NMRK2: variants seen among roughly 807,000 people sequenced by gnomAD.
NMRK2 encodes the protein nicotinamide riboside kinase 2, also known as NRK 2.
In NMRK2, 34 loss-of-function variants were observed where a neutral mutation model predicts 24.7. The ratio of observed to expected loss-of-function variants is 1.37; its 90% confidence interval spans 1.05 to 1.83. The LOEUF is 1.83. NMRK2 is among the 40% of genes most tolerant of loss of function. The probability of loss-of-function intolerance (pLI) is 0.00; values close to 1 mark genes in which losing one functional copy is unlikely to be tolerated. For missense variants in NMRK2, 341 were observed against 315.0 expected, an observed-to-expected ratio of 1.08 and a Z score of -0.62; for synonymous variants, 145 against 125.6, an observed-to-expected ratio of 1.15 and a Z score of -1.03.
At chr19:3,941,709 C>A (rs1308505745) in intron 7 of NMRK2, among the ~76,000 whole-genome samples, 1 of 152,006 alleles carries the variant, frequency 6.6e-6, no homozygotes, top group Non-Finnish European at 1.5e-5. Flanking sequence ...GTGGCGCGAT[C>A]TTGGCTCACG....
intron 5 of NMRK2, 68 bp downstream of exon 5, chr19:3,938,827 T>TTTTTTTTTTTTTTTTTTTTG (rs2039269365): frequency 1.8e-6 from 1 of 541,104 alleles, no homozygotes; most frequent in African/African-American, 4.6e-5. Context: ...CTCTTGTTTT[T>TTTTTTTTTTTTTTTTTTTTG]TTTTTTTTTT....
At chr19:3,939,817 G>C in intron 5 of NMRK2, 83 bp from the exon 6 acceptor site, 3 of 1,310,914 alleles carry the variant, frequency 2.3e-6, no homozygotes, top group Non-Finnish European at 3.2e-6. Context: ...CCCTCTGAAA[G>C]CCAAGGCTGG....
Position 3,942,140 on chromosome 19 carries a change from T to A in NMRK2, c.560T>A (p.Ile187Asn), listed in dbSNP as rs1248963403. 1 of 1,613,350 alleles carries A rather than the reference T, an allele frequency of 6.2e-7. No homozygotes were observed. Among genetic ancestry groups the A allele is most frequent in the South Asian group, 1.1e-5 (1 of 91,088 alleles). The change falls in exon 8 of 8, where the codon ATT becomes AAT. Residue 187 changes from isoleucine to asparagine, a missense_variant. Transcript: ENST00000168977. The part of the protein sequence containing the change: ...EELFREVLED[I>N]QNSLLNRSQE... ...CTCTTCCGTGAAGTCCTGGAAGACATTCAGAACTCGCTGCTGAACCGCTCC... is the reference window on the plus strand; with the variant it reads ...CTCTTCCGTGAAGTCCTGGAAGACAATCAGAACTCGCTGCTGAACCGCTCC...
intron 7 of NMRK2, 104 bp from the exon 8 acceptor site, chr19:3,941,979 C>A: frequency 1.1e-6 from 1 of 906,674 alleles, no homozygotes; most frequent in Non-Finnish European, 1.7e-6. Context: ...CTCCAGCAGC[C>A]CGACTCTGCA....
Position 3,933,940 on chromosome 19 carries a change from A to G in NMRK2, c.26+243A>G, listed in dbSNP as rs114559324. Among the ~76,000 whole-genome samples, 1,248 of 134,452 alleles carry G rather than the reference A, an allele frequency of 9.3e-3. 8 individuals carry two copies. The highest frequency in any genetic ancestry group is 0.091 in the Middle Eastern group (25 of 276). The allele number at this position is 134,452 out of a possible 152,430, so 88.2% of individuals were successfully genotyped here. ...TGGAAATGATTCCCGCCACCTTCCA[A>G]TTATACTCAGCATAAAAAAAAAATA... is the stretch of plus-strand genomic sequence containing the variant. On this transcript the variant is annotated intron_variant, in intron 2 of 7. Transcript: ENST00000168977.
intron 5 of NMRK2, 88 bp from the exon 6 acceptor site, chr19:3,939,812 T>C: frequency 7.9e-7 from 1 of 1,264,536 alleles, no homozygotes; most frequent in Non-Finnish European, 1.1e-6. Context: ...CGCCACCCTC[T>C]GAAAGCCAAG....
rs2039299448 is a variant in NMRK2, at chr19:3,939,927, G to A, written c.351G>A (p.Arg117=). The change falls in exon 6 of 8, where the codon CGG becomes CGA. Residue 117 remains arginine (R), a synonymous_variant. Transcript: ENST00000168977. Reference sequence around the variant, plus strand: ...CCCTGGTGGACTTGTACAGCCGCCGGTACTTCCTGACCGTCCCGTATGAAG... The same window carrying A: ...CCCTGGTGGACTTGTACAGCCGCCGATACTTCCTGACCGTCCCGTATGAAG... ...YKPLVDLYSR[R]YFLTVPYEEC... The A allele has an allele frequency of 6.2e-7, 1 of 1,612,338 alleles. No individual in the cohort carries two copies. Among genetic ancestry groups the A allele is most frequent in the African/African-American group, 1.3e-5 (1 of 74,830 alleles).
intron 6 of NMRK2, 61 bp from the exon 7 acceptor site, chr19:3,941,010 G>A (rs1599165475): frequency 9.1e-7 from 1 of 1,099,446 alleles, no homozygotes; most frequent in Non-Finnish European, 1.4e-6. Context: ...CCCCCACCGG[G>A]GGTATATTCT....
In NMRK2 at chr19:3,939,922, C is replaced by T. The variant is rs763766121; in HGVS notation, c.346C>T (p.Arg116Cys). 179 of 1,612,358 alleles carry T rather than the reference C, an allele frequency of 1.1e-4. No homozygotes were observed. The highest frequency in any genetic ancestry group is 1.5e-4 in the Non-Finnish European group (171 of 1,178,688). The change falls in exon 6 of 8, where the codon CGC (arginine) becomes TGC (cysteine). Residue 116 changes from arginine (R) to cysteine (C), a missense_variant. Arg to Cys is a radical substitution (Grantham distance 180, BLOSUM62 -3). Coordinates refer to ENST00000168977, the MANE Select transcript of NMRK2 (RefSeq NM_170678.3). The stretch of plus-strand genomic sequence containing the variant: ...CAGGCCCCTGGTGGACTTGTACAGC[C>T]GCCGGTACTTCCTGACCGTCCCGTA... ...SYKPLVDLYS[R>C]RYFLTVPYEE...
At chr19:3,936,411 A>AAC (rs2039214161) in intron 2 of NMRK2, among the ~76,000 whole-genome samples, 164 bp from the exon 3 acceptor site, 1 of 151,706 alleles carries the variant, frequency 6.6e-6, no homozygotes, top group South Asian at 2.1e-4. Context: ...TGGTCTCAAA[A>AAC]AAAAAGAAAA....
intron 2 of NMRK2, among the ~76,000 whole-genome samples, chr19:3,934,830 G>A (rs1568178410): frequency 6.6e-6 from 1 of 152,012 alleles, no homozygotes; most frequent in African/African-American, 2.4e-5. Context: ...TGATCCAACT[G>A]TCTCAGCCTC....
chr19:3,933,770 G>A, intron 2 of NMRK2, 73 bp downstream of exon 2: 1 of 1,330,970 alleles, frequency 7.5e-7, no homozygotes, highest in Non-Finnish European at 9.7e-7. Context: ...GGAGGCCCGG[G>A]AATGAATGGA....
At position 3,941,024 on chromosome 19, in the gene NMRK2, C is replaced by T. The variant is rs2145307637; in HGVS notation, c.396-47C>T. On this transcript the variant is annotated intron_variant, in intron 6 of 7. Transcript: ENST00000168977. ...CCCCCCACCGGGGGTATATTCTTAGCATCACCCTTCTGTGCTCTAAGCCAT... is the reference window on the plus strand; with the variant it reads ...CCCCCCACCGGGGGTATATTCTTAGTATCACCCTTCTGTGCTCTAAGCCAT... 3.9e-6 allele frequency: 5 copies of T among 1,268,372 alleles called. 1 individual carries two copies. In the South Asian group the frequency reaches 4.9e-5, roughly 13 times the overall value. The allele number at this position is 1,268,372 out of a possible 1,614,324, so 78.6% of individuals were successfully genotyped here.
chr19:3,940,365 G>A (rs1263513533), intron 6 of NMRK2, among the ~76,000 whole-genome samples: 2 of 146,498 alleles, frequency 1.4e-5, no homozygotes, highest in Admixed American at 1.4e-4. Flanking sequence ...AAAAAAGGCG[G>A]CCAGGCGCGG....
At position 3,936,554 on chromosome 19, in the gene NMRK2, A is replaced by G. The variant is rs73530370; in HGVS notation, c.27-21A>G. On this transcript the variant is annotated intron_variant, in intron 2 of 7. Coordinates refer to ENST00000168977, the MANE Select transcript of NMRK2 (RefSeq NM_170678.3). Reference sequence around the variant, plus strand: ...TCTTGGGGGGAGCCCAGGCAGTCTCATGCACACGCTGTCTCCCCAGCATGA... The same window carrying G: ...TCTTGGGGGGAGCCCAGGCAGTCTCGTGCACACGCTGTCTCCCCAGCATGA... 10,508 of 1,530,150 alleles carry G rather than the reference A, an allele frequency of 6.9e-3. 623 individuals are homozygous for G. In the African/African-American group the frequency reaches 0.13, roughly 19 times the overall value. 94.8% of individuals were successfully genotyped at this position (1,530,150 alleles called of 1,614,324 possible). A position where few individuals can be genotyped will look rare whatever the true frequency, so the allele number is the denominator to read the frequency against.
chr19:3,934,554 GTTT>G (rs34611890), intron 2 of NMRK2, among the ~76,000 whole-genome samples: 3,793 of 143,342 alleles, frequency 0.026, 70 homozygotes, highest in Middle Eastern at 0.054. Context: ...GTTTTTTGGG[GTTT>G]TTTTTTTTGG....
Position 3,939,995 on chromosome 19 carries a change from G to A in NMRK2, c.395+24G>A, listed in dbSNP as rs759589757. On this transcript the variant is annotated intron_variant, in intron 6 of 7. Transcript: ENST00000168977. ...AGGTGCACTTGGTGTCTGGGGGTGC[G>A]GTGGGCTCCTGAGGGCCCTGTCTTG... is the stretch of plus-strand genomic sequence containing the variant. 150 of 1,604,766 alleles carry A rather than the reference G, an allele frequency of 9.3e-5. 3 individuals are homozygous for A. The highest frequency in any genetic ancestry group is 3.6e-4 in the South Asian group (33 of 90,714).
rs773019612 is a variant in NMRK2 at position 3,941,063 on chromosome 19, C to G, written c.396-8C>G. On this transcript the variant is annotated splice_polypyrimidine_tract_variant and splice_region_variant and intron_variant, in intron 6 of 7. Transcript: ENST00000168977. Reference sequence around the variant, plus strand: ...GCTCTAAGCCATCCTTGCCTTCTCCCTCTGCAGTACCCGCAACTACACAGT... The same window carrying G: ...GCTCTAAGCCATCCTTGCCTTCTCCGTCTGCAGTACCCGCAACTACACAGT... 18 of 1,593,978 alleles carry G rather than the reference C, an allele frequency of 1.1e-5. No homozygotes were observed. The highest frequency in any genetic ancestry group is 1.5e-5 in the Non-Finnish European group (18 of 1,162,514).
chr19:3,937,914 TGTTCCCCCGGGGTCCACCCTCCTGCA>T (rs2039243087), intron 4 of NMRK2, among the ~76,000 whole-genome samples: 1 of 103,976 alleles, frequency 9.6e-6, no homozygotes, highest in Non-Finnish European at 1.9e-5. Context: ...CCCCGTCCAC[TGTTCCCCCGGGGTCCACCCTCCTGCA>T]ATACCCGCTC....
Sources: gnomAD v4.1 joint callset for allele counts (sites outside exome capture counted in the v4.1 genomes callset) on GRCh38, gnomAD v4.1.1 for gene constraint, MANE v1.5 for transcripts, NCBI Gene and HGNC (gene_info 2026-07-23, HGNC 2026-07-21) for gene names.